The following LAMA1 variants were observed in gnomAD, a reference collection of about 807,000 sequenced individuals.
LAMA1 encodes laminin subunit alpha 1, also known as laminin subunit alpha-1.
A neutral mutation model predicts 348.7 loss-of-function variants in LAMA1; 219 were observed. The observed-to-expected ratio is 0.63, with a 90% CI of 0.56 to 0.70. The LOEUF is 0.70. LAMA1 is among the 30% of genes least tolerant of loss of function. The pLI, the probability that LAMA1 is intolerant of heterozygous loss-of-function variation, is 0.00. For missense variants in LAMA1, 3,744 were observed against 3,888.0 expected, an observed-to-expected ratio of 0.96 and a Z score of 0.99; for synonymous variants, 1,487 against 1,491.0, an observed-to-expected ratio of 1.00 and a Z score of 0.06.
rs5822937 is a variant in LAMA1, at chr18:7,002,413, GA to G, written c.4261-29del. On this transcript the variant is annotated intron_variant, in intron 29 of 62. Transcript: ENST00000389658. ...GGGAGCCCACATTTAAAGGAAGGGG[GA>G]AAAAATGGGAAATTGTTAGAAATCA... 9 of 1,610,698 alleles carry G rather than the reference GA, an allele frequency of 5.6e-6. No homozygotes were observed. The South Asian group carries it at 6.6e-5, about 12-fold the overall frequency.
chr18:7,114,123 CA>C (rs1487373102), intron 1 of LAMA1, among the ~76,000 whole-genome samples: 1 of 150,496 alleles, frequency 6.6e-6, no homozygotes, highest in Non-Finnish European at 1.5e-5. Flanking sequence ...CACAGATTTT[CA>C]GGAGGTAAAA....
chr18:7,103,124 T>C (rs1013438360), intron 1 of LAMA1, among the ~76,000 whole-genome samples: 5 of 152,176 alleles, frequency 3.3e-5, no homozygotes, highest in Admixed American at 6.5e-5. Context: ...GTTTAGAATG[T>C]GAGTGGAGGC....
intron 18 of LAMA1, 80 bp from the exon 19 acceptor site, chr18:7,023,455 G>GT: frequency 8.8e-7 from 1 of 1,141,824 alleles, no homozygotes; most frequent in Non-Finnish European, 1.3e-6. Context: ...CTCCCTGAAT[G>GT]GCTAATAAAT....
At chr18:6,976,225 AGTG>A in intron 44 of LAMA1, 145 bp from the exon 45 acceptor site, 1 of 769,452 alleles carries the variant, frequency 1.3e-6, no homozygotes. Flanking sequence ...TGTTTCATGA[AGTG>A]ACATATCAGA....
intron 3 of LAMA1, among the ~76,000 whole-genome samples, chr18:7,070,524 A>C (rs2058141603): frequency 6.6e-6 from 1 of 152,214 alleles, no homozygotes; most frequent in Non-Finnish European, 1.5e-5. Flanking sequence ...AACCTCACTC[A>C]ATACTGGTCA....
chr18:6,949,451 G>T (rs972295576), intron 58 of LAMA1, among the ~76,000 whole-genome samples, 192 bp from the exon 59 acceptor site: 1 of 152,196 alleles, frequency 6.6e-6, no homozygotes, highest in African/African-American at 2.4e-5. Flanking sequence ...AAGGAGGCAG[G>T]TATGAAACTG....
intron 56 of LAMA1, chr18:6,956,002 A>G (rs78919440): frequency 0.036 from 11,129 of 306,776 alleles, 1,165 homozygotes; most frequent in African/African-American, 0.22. Flanking sequence ...GGGCTGTCCT[A>G]AGAGTGCCCA....
At chr18:7,063,199 T>G (rs1360364139) in intron 3 of LAMA1, among the ~76,000 whole-genome samples, 2 of 152,232 alleles carry the variant, frequency 1.3e-5, no homozygotes, top group Non-Finnish European at 2.9e-5. Context: ...CTTGTGAGTG[T>G]GTAAAATTTC....
intron 25 of LAMA1, among the ~76,000 whole-genome samples, chr18:7,011,081 A>G (rs2057857639): frequency 6.6e-6 from 1 of 152,252 alleles, no homozygotes; most frequent in African/African-American, 2.4e-5. Context: ...AAATTAATAT[A>G]ACGTGAACTT....
intron 30 of LAMA1, 45 bp from the exon 31 acceptor site, chr18:7,000,042 C>T: frequency 7.1e-7 from 1 of 1,402,998 alleles, no homozygotes; most frequent in African/African-American, 1.4e-5. Context: ...TATACAATTT[C>T]CATCTTTCCT....
In LAMA1 at chr18:6,961,973, T is replaced by C. The variant is rs762327413; in HGVS notation, c.7424A>G (p.Tyr2475Cys). 3.1e-5 allele frequency: 50 copies of C among 1,614,020 alleles called. No homozygotes were observed. Among genetic ancestry groups the C allele is most frequent in the Non-Finnish European group, 3.5e-5 (41 of 1,179,990 alleles). ...CAGTAAACAGCCTTTTCTCACTCCA[T>C]AGGAATTTCTGAGTAAGTCAAAGGT... ...RSTFDLLRNS[Y>C]GVRKGCLLEP... Residue 2475 changes from tyrosine to cysteine, a missense_variant, in exon 52 of 63, where the codon TAT becomes TGT. Transcript: ENST00000389658.
chr18:6,979,675 G>A (rs575026388), intron 42 of LAMA1, among the ~76,000 whole-genome samples: 108 of 152,222 alleles, frequency 7.1e-4, no homozygotes, highest in Middle Eastern at 3.4e-3. Context: ...CAAGGCGGGC[G>A]GATCACGAGG....
At chr18:7,061,046 C>T (rs1382971307) in intron 3 of LAMA1, among the ~76,000 whole-genome samples, 1 of 152,048 alleles carries the variant, frequency 6.6e-6, no homozygotes, top group Non-Finnish European at 1.5e-5. Flanking sequence ...TTGGTCCCAG[C>T]CATGGAGAGG....
At chr18:7,078,228 G>T (rs940025980) in intron 3 of LAMA1, among the ~76,000 whole-genome samples, 1 of 150,022 alleles carries the variant, frequency 6.7e-6, no homozygotes, top group Non-Finnish European at 1.5e-5. Context: ...GTGCAGTGGT[G>T]TGATCTCGGC....
intron 18 of LAMA1, 73 bp downstream of exon 18, chr18:7,024,307 C>T (rs909658608): frequency 2.0e-5 from 23 of 1,135,164 alleles, no homozygotes; most frequent in African/African-American, 1.6e-4. Context: ...CACTTAACTA[C>T]GCATTTAAAA....
chr18:7,095,034 T>G (rs1712902129), intron 1 of LAMA1, among the ~76,000 whole-genome samples: 1 of 151,858 alleles, frequency 6.6e-6, no homozygotes, highest in South Asian at 2.1e-4. Flanking sequence ...GATCTATAGA[T>G]TCTATCCGAT....
At chr18:6,986,410 A>G in intron 36 of LAMA1, 63 bp from the exon 37 acceptor site, 1 of 1,501,830 alleles carries the variant, frequency 6.7e-7, no homozygotes, top group Non-Finnish European at 9.2e-7. Context: ...TCTCTGAAAT[A>G]ATAGTGGAAA....
chr18:7,077,367 C>T (rs2058173511), intron 3 of LAMA1, among the ~76,000 whole-genome samples: 1 of 151,766 alleles, frequency 6.6e-6, no homozygotes, highest in African/African-American at 2.4e-5. Context: ...ACGCCTGGCT[C>T]ATTTTTTTGT....
At position 6,982,975 on chromosome 18, in the gene LAMA1, A is replaced by G. The variant is rs998744372; in HGVS notation, c.5796+124T>C. ...CACAGATCATATGATGACAGAAGCC[A>G]GAAACAGATTCCACCAGAAAAGAAT... On this transcript the variant is annotated intron_variant, in intron 40 of 62. Coordinates refer to ENST00000389658, the MANE Select transcript of LAMA1 (RefSeq NM_005559.4). 8.6e-6 allele frequency: 11 copies of G among 1,280,758 alleles called. No individual in the cohort carries two copies. In the South Asian group the frequency reaches 1.4e-4, roughly 16 times the overall value. 79.3% of individuals were successfully genotyped at this position (1,280,758 alleles called of 1,614,324 possible). A position where few individuals can be genotyped will look rare whatever the true frequency, so the allele number is the denominator to read the frequency against.
Sources: allele counts gnomAD v4.1 joint callset (sites outside exome capture counted in the v4.1 genomes callset), GRCh38; gene constraint gnomAD v4.1.1; transcripts MANE v1.5; gene names NCBI Gene and HGNC (gene_info 2026-07-23, HGNC 2026-07-21).